Variants in PLA2R1 observed in about 807,000 individuals in gnomAD.
PLA2R1 encodes the protein phospholipase A2 receptor 1.
PLA2R1 carries 158 observed loss-of-function variants against 195.9 expected under a neutral mutation model. That is an observed-to-expected ratio of 0.81 (90% CI 0.71 to 0.92). The LOEUF (loss-of-function observed/expected upper bound fraction) is 0.92, where lower values mean the gene tolerates loss of function less well. Among genes scored for constraint, PLA2R1 ranks in the 40% least tolerant of loss-of-function variants. The probability of loss-of-function intolerance (pLI) is 0.00; values close to 1 mark genes in which losing one functional copy is unlikely to be tolerated. For missense variants in PLA2R1, 1,626 were observed against 1,764.6 expected, an observed-to-expected ratio of 0.92 and a Z score of 1.41; for synonymous variants, 586 against 598.2, an observed-to-expected ratio of 0.98 and a Z score of 0.30.
intron 10 of PLA2R1, among the ~76,000 whole-genome samples, chr2:160,010,314 T>C (rs1692277254): frequency 6.6e-6 from 1 of 152,198 alleles, no homozygotes; most frequent in African/African-American, 2.4e-5. Flanking sequence ...TCATGCTTTG[T>C]CTGGAAGCAA....
Position 159,969,352 on chromosome 2 carries a change from C to G in PLA2R1, c.2668G>C (p.Asp890His). 6.3e-7 allele frequency: 1 copy of G among 1,577,790 alleles called. No homozygotes were observed. Residue 890 changes from aspartate (D) to histidine (H), a missense_variant, in exon 19 of 30, where the codon GAT becomes CAT. By Grantham distance (81) the Asp-to-His change is moderately conservative. Coordinates refer to ENST00000283243, the MANE Select transcript of PLA2R1 (RefSeq NM_007366.5). ...TTCTGGTATATCACTGGTGTTCCAT[C>G]TCTCCAGCTGTGGGAAGATTAAAAA... ...ERANDEFRWR[D>H]GTPVIYQNWD...
At chr2:159,946,241 G>A (rs1390125398) in intron 27 of PLA2R1, 1 of 981,588 alleles carries the variant, frequency 1.0e-6, no homozygotes, top group Non-Finnish European at 1.2e-6. Flanking sequence ...TCCTCGAAAG[G>A]GTAGGCTCAC....
chr2:159,948,157 G>A (rs1012119641), intron 25 of PLA2R1, among the ~76,000 whole-genome samples: 4 of 152,148 alleles, frequency 2.6e-5, no homozygotes, highest in Non-Finnish European at 5.9e-5. Context: ...GCGTGACCAT[G>A]GGCATGTTAC....
At chr2:159,970,540 A>T (rs1239107467) in intron 17 of PLA2R1, among the ~76,000 whole-genome samples, 1 of 152,224 alleles carries the variant, frequency 6.6e-6, no homozygotes, top group Non-Finnish European at 1.5e-5. Flanking sequence ...TTATTGGCTC[A>T]TCCTCTCAGT....
At chr2:159,974,435 CA>C (rs1390841711) in intron 17 of PLA2R1, among the ~76,000 whole-genome samples, 1 of 152,160 alleles carries the variant, frequency 6.6e-6, no homozygotes, top group East Asian at 1.9e-4. Context: ...TAGTACTTAT[CA>C]TAGTACCTGA....
intron 13 of PLA2R1, among the ~76,000 whole-genome samples, chr2:159,981,734 G>A (rs181081484): frequency 2.0e-5 from 3 of 152,218 alleles, no homozygotes; most frequent in East Asian, 1.9e-4. Context: ...ATTTAAAGAC[G>A]GTTCTCGCTC....
At chr2:160,012,822 T>C (rs1185703541) in intron 10 of PLA2R1, among the ~76,000 whole-genome samples, 2 of 151,774 alleles carry the variant, frequency 1.3e-5, no homozygotes, top group Non-Finnish European at 2.9e-5. Flanking sequence ...TGAGGCAAGA[T>C]AATTGCTTGA....
At chr2:160,014,506 C>CT (rs141151333) in intron 9 of PLA2R1, among the ~76,000 whole-genome samples, 1 of 152,110 alleles carries the variant, frequency 6.6e-6, no homozygotes, top group African/African-American at 2.4e-5. Context: ...TATTTTAGTT[C>CT]TTTTTTCCCC....
chr2:159,948,039 G>T (rs1434035128), intron 25 of PLA2R1, among the ~76,000 whole-genome samples: 1 of 152,070 alleles, frequency 6.6e-6, no homozygotes, highest in Non-Finnish European at 1.5e-5. Context: ...TCATAACATA[G>T]CATAACATAA....
chr2:160,025,004 T>A (rs958325844), intron 6 of PLA2R1, among the ~76,000 whole-genome samples: 2 of 152,122 alleles, frequency 1.3e-5, no homozygotes, highest in Admixed American at 6.5e-5. Context: ...TGGTGCTTCA[T>A]CCCCTAGAGC....
intron 1 of PLA2R1, among the ~76,000 whole-genome samples, chr2:160,055,745 G>T (rs1482751725): frequency 6.6e-6 from 1 of 152,190 alleles, no homozygotes; most frequent in Non-Finnish European, 1.5e-5. Flanking sequence ...TATTAATGTT[G>T]CCTACCTGTT....
chr2:159,924,140 A>G, the PLA2R1 span, among the ~76,000 whole-genome samples: 1 of 152,140 alleles, frequency 6.6e-6, no homozygotes. Flanking sequence ...CAGGTCCAAC[A>G]TCTTCAAATC....
chr2:159,971,457 T>C (rs988640172), intron 17 of PLA2R1, among the ~76,000 whole-genome samples: 3 of 151,912 alleles, frequency 2.0e-5, no homozygotes, highest in Non-Finnish European at 4.4e-5. Context: ...TGCATGCATG[T>C]GCACACGTGT....
intron 29 of PLA2R1, 34 bp from the exon 30 acceptor site, chr2:159,942,026 ACT>A: frequency 6.3e-7 from 1 of 1,587,142 alleles, no homozygotes; most frequent in East Asian, 2.2e-5. Context: ...AAAAAGAAAA[ACT>A]TCAGTGGCGA....
chr2:160,046,073 C>T (rs1694845398), intron 1 of PLA2R1, among the ~76,000 whole-genome samples: 1 of 152,224 alleles, frequency 6.6e-6, no homozygotes, highest in African/African-American at 2.4e-5. Flanking sequence ...GCCTGGAAGG[C>T]ACCTAGTACT....
At chr2:160,019,561 CA>C (rs1213453412) in intron 8 of PLA2R1, among the ~76,000 whole-genome samples, 2 of 152,230 alleles carry the variant, frequency 1.3e-5, no homozygotes, top group Non-Finnish European at 2.9e-5. Context: ...CTCTGTGTAG[CA>C]GCCACAGTTA....
At chr2:160,003,214 C>T (rs1039097802) in intron 11 of PLA2R1, among the ~76,000 whole-genome samples, 2 of 151,866 alleles carry the variant, frequency 1.3e-5, no homozygotes, top group Admixed American at 1.3e-4. Context: ...CAAAATTATA[C>T]ATTTAAAAAG....
Position 159,984,073 on chromosome 2 carries a change from C to A in PLA2R1, c.2038G>T (p.Val680Leu), listed in dbSNP as rs149133741. 1,599 of 1,443,816 alleles carry A rather than the reference C, an allele frequency of 1.1e-3. 2 individuals are homozygous for A. Among genetic ancestry groups the A allele is most frequent in the Non-Finnish European group, 1.4e-3 (1,440 of 1,040,878 alleles). 89.4% of individuals were successfully genotyped at this position (1,443,816 alleles called of 1,614,324 possible). ...ATCAGAACTTTTTCACTATGAAATA[C>A]CTGTATAGTAAAAGAAAATAAATTA... Reference protein sequence around the residue: ...SEPGLASCFKVFHSEKVLMKR... With the variant: ...SEPGLASCFKLFHSEKVLMKR... The change falls in exon 13 of 30, where the codon GTA (valine) becomes TTA (leucine). Residue 680 changes from valine (V) to leucine (L), a missense_variant and splice_region_variant. Transcript: ENST00000283243.
At chr2:160,016,808 C>T in intron 8 of PLA2R1, 96 bp from the exon 9 acceptor site, 1 of 665,942 alleles carries the variant, frequency 1.5e-6, no homozygotes. Flanking sequence ...GAATAATGTG[C>T]TCCCGCGTGG....
Sources: allele counts gnomAD v4.1 joint callset (sites outside exome capture counted in the v4.1 genomes callset), GRCh38; gene constraint gnomAD v4.1.1; transcripts MANE v1.5; gene names NCBI Gene and HGNC (gene_info 2026-07-23, HGNC 2026-07-21).